The following PTK2B variants were observed in gnomAD, a reference collection of about 807,000 sequenced individuals.
The protein encoded by PTK2B is protein tyrosine kinase 2 beta, also known as protein-tyrosine kinase 2-beta.
A neutral mutation model predicts 142.9 loss-of-function variants in PTK2B; 71 were observed. That is an observed-to-expected ratio of 0.50 (90% confidence interval 0.41 to 0.61). The LOEUF (loss-of-function observed/expected upper bound fraction) is 0.61, where lower values mean the gene tolerates loss of function less well. PTK2B is among the 20% of genes least tolerant of loss of function. PTK2B has a pLI of 0.00. For missense variants in PTK2B, 1,105 were observed against 1,320.4 expected, an observed-to-expected ratio of 0.84 and a Z score of 2.53; for synonymous variants, 519 against 503.4, an observed-to-expected ratio of 1.03 and a Z score of -0.42.
At chr8:27,404,522 C>A (rs1421807554) in intron 2 of PTK2B, among the ~76,000 whole-genome samples, 1 of 152,186 alleles carries the variant, frequency 6.6e-6, no homozygotes, top group African/African-American at 2.4e-5. Context: ...GGATGCATCC[C>A]TCCCACCCGC....
At chr8:27,345,260 A>G (rs1804647061) in intron 1 of PTK2B, among the ~76,000 whole-genome samples, 1 of 152,336 alleles carries the variant, frequency 6.6e-6, no homozygotes, top group Non-Finnish European at 1.5e-5. Context: ...TCCCAGAGCA[A>G]TGAACAAATT....
intron 1 of PTK2B, among the ~76,000 whole-genome samples, chr8:27,364,014 G>A (rs1425885910): frequency 2.0e-5 from 3 of 152,130 alleles, no homozygotes; most frequent in African/African-American, 4.8e-5. Flanking sequence ...CCAGGGCCTG[G>A]GGCTCTCCAC....
intron 5 of PTK2B, among the ~76,000 whole-genome samples, chr8:27,428,906 A>C (rs1810242090): frequency 6.6e-6 from 1 of 152,162 alleles, no homozygotes; most frequent in African/African-American, 2.4e-5. Context: ...CTATGATTTC[A>C]TGCCTTGAGT....
chr8:27,419,849 C>A lies in PTK2B; in HGVS notation c.205-46C>A, dbSNP rs375953645. 9.9e-4 allele frequency: 1,584 copies of A among 1,602,188 alleles called. 1 individual carries two copies. The highest frequency in any genetic ancestry group is 1.3e-3 in the Non-Finnish European group (1,501 of 1,171,608). On this transcript the variant is annotated intron_variant, in intron 2 of 30. Coordinates refer to ENST00000346049, the MANE Select transcript of PTK2B (RefSeq NM_173176.3). ...GGTCTGTGTGAGAATTATGGGAGCC[C>A]AAAGGTGGGCACCCCTGAGTCATGC...
chr8:27,437,535 C>T, intron 17 of PTK2B, 39 bp downstream of exon 17: 1 of 1,489,582 alleles, frequency 6.7e-7, no homozygotes, highest in Non-Finnish European at 9.2e-7. Flanking sequence ...TGGGCTGCAG[C>T]ATGGGGGGCA....
intron 21 of PTK2B, 60 bp from the exon 22 acceptor site, chr8:27,442,815 C>T (rs914096189): frequency 7.0e-7 from 1 of 1,430,466 alleles, no homozygotes; most frequent in East Asian, 2.3e-5. Flanking sequence ...CAAAGAGGAG[C>T]CCCAAGGAGC....
chr8:27,445,679 G>A, intron 23 of PTK2B, 115 bp from the exon 24 acceptor site: 2 of 1,455,830 alleles, frequency 1.4e-6, no homozygotes, highest in Non-Finnish European at 9.5e-7. Flanking sequence ...TGGAGAGCAA[G>A]CCCCATTCCC....
At chr8:27,388,134 T>C (rs1310359124) in intron 1 of PTK2B, among the ~76,000 whole-genome samples, 1 of 152,264 alleles carries the variant, frequency 6.6e-6, no homozygotes, top group Admixed American at 6.5e-5. Flanking sequence ...ATTCACCTGC[T>C]ATCATCTGAC....
At chr8:27,329,725 ACT>A (rs1356867378) in intron 1 of PTK2B, among the ~76,000 whole-genome samples, 9 of 152,060 alleles carry the variant, frequency 5.9e-5, no homozygotes, top group African/African-American at 2.2e-4. Context: ...GATAGTGGTG[ACT>A]CTGCAACACT....
At chr8:27,366,157 G>A (rs1328335294) in intron 1 of PTK2B, among the ~76,000 whole-genome samples, 1 of 152,188 alleles carries the variant, frequency 6.6e-6, no homozygotes, top group African/African-American at 2.4e-5. Context: ...GCAAATCATG[G>A]CTCTTGGGTC....
At chr8:27,444,886 C>T (rs533628028) in intron 23 of PTK2B, among the ~76,000 whole-genome samples, 1 of 152,158 alleles carries the variant, frequency 6.6e-6, no homozygotes, top group Non-Finnish European at 1.5e-5. Flanking sequence ...GAAATAATGT[C>T]CATTTAGTTG....
upstream of PTK2B, chr8:27,310,976 GC>G (rs1428447247): frequency 6.2e-7 from 1 of 1,612,108 alleles, no homozygotes; most frequent in Admixed American, 1.7e-5. Flanking sequence ...CGCGCCCTCG[GC>G]CTCCTCGCGC....
chr8:27,321,550 A>G (rs2130647477), upstream of PTK2B, among the ~76,000 whole-genome samples: 1 of 152,326 alleles, frequency 6.6e-6, no homozygotes, highest in East Asian at 1.9e-4. Flanking sequence ...TCTTAACATC[A>G]TAGACTGGAT....
intron 2 of PTK2B, among the ~76,000 whole-genome samples, chr8:27,410,970 C>T (rs1809022551): frequency 6.6e-6 from 1 of 152,196 alleles, no homozygotes; most frequent in African/African-American, 2.4e-5. Flanking sequence ...GGCTGTGAGC[C>T]ATGGGCAGTC....
chr8:27,320,663 T>C (rs1040650803), upstream of PTK2B, among the ~76,000 whole-genome samples: 1 of 152,068 alleles, frequency 6.6e-6, no homozygotes, highest in South Asian at 2.1e-4. Flanking sequence ...CAGGGTGAGG[T>C]CTGTGGGAAG....
chr8:27,313,956 A>G (rs1353137542), intron 3 of PTK2B, among the ~76,000 whole-genome samples: 1 of 152,216 alleles, frequency 6.6e-6, no homozygotes, highest in East Asian at 1.9e-4. Flanking sequence ...TTAGAAAGGC[A>G]GTGTGATAAC....
intron 1 of PTK2B, among the ~76,000 whole-genome samples, chr8:27,353,366 G>GT (rs1805208331): frequency 6.6e-6 from 1 of 152,160 alleles, no homozygotes; most frequent in Admixed American, 6.5e-5. Flanking sequence ...AGAAAGTGCT[G>GT]TTTTTTGCTA....
At chr8:27,353,171 C>T (rs1265227964) in intron 1 of PTK2B, among the ~76,000 whole-genome samples, 1 of 152,130 alleles carries the variant, frequency 6.6e-6, no homozygotes. Flanking sequence ...AAATATTTAG[C>T]GTCCACTACA....
At chr8:27,339,220 G>A (rs1328967399) in intron 1 of PTK2B, among the ~76,000 whole-genome samples, 1 of 152,220 alleles carries the variant, frequency 6.6e-6, no homozygotes, top group African/African-American at 2.4e-5. Context: ...AGTCACCAGA[G>A]TGGGACCTTT....
Sources: gnomAD v4.1 joint callset for allele counts (sites outside exome capture counted in the v4.1 genomes callset) on GRCh38, gnomAD v4.1.1 for gene constraint, MANE v1.5 for transcripts, NCBI Gene and HGNC (gene_info 2026-07-23, HGNC 2026-07-21) for gene names.